Variants in MYBPC2 observed in about 807,000 individuals in gnomAD.
The protein encoded by MYBPC2 is myosin-binding protein C, fast-type.
Under a neutral mutation model 137.0 loss-of-function variants are expected in MYBPC2, and 122 were observed. That is an observed-to-expected ratio of 0.89 (90% CI 0.77 to 1.03). The LOEUF (loss-of-function observed/expected upper bound fraction) is 1.03, where lower values mean the gene tolerates loss of function less well. Among genes scored for constraint, MYBPC2 ranks in the 50% least tolerant of loss-of-function variants. The pLI, the probability that MYBPC2 is intolerant of heterozygous loss-of-function variation, is 0.00. For missense variants in MYBPC2, 1,500 were observed against 1,534.4 expected, an observed-to-expected ratio of 0.98 and a Z score of 0.37; for synonymous variants, 626 against 612.3, an observed-to-expected ratio of 1.02 and a Z score of -0.33.
At chr19:50,442,157 C>A in intron 8 of MYBPC2, 24 bp from the exon 9 acceptor site, 1 of 1,573,626 alleles carries the variant, frequency 6.4e-7, no homozygotes, top group East Asian at 2.3e-5. Context: ...CGCCTCCATC[C>A]CCTTTGCATG....
rs779140825 is a variant in MYBPC2, at chr19:50,461,863, A to G, written c.3092-37A>G. 3 of 1,584,314 alleles carry G rather than the reference A, an allele frequency of 1.9e-6. No individual in the cohort carries two copies. The African/African-American group carries it at 4.0e-5, about 21-fold the overall frequency. Reference sequence around the variant, plus strand: ...CCTGGTTGGTGTCAGGGGAGAATCTAGATCAGTCGCCTTACGGGTGCATCC... The same window carrying G: ...CCTGGTTGGTGTCAGGGGAGAATCTGGATCAGTCGCCTTACGGGTGCATCC... On this transcript the variant is annotated intron_variant, in intron 25 of 27. Coordinates refer to ENST00000357701, the MANE Select transcript of MYBPC2 (RefSeq NM_004533.4).
At chr19:50,451,840 C>G (rs748183007) in intron 15 of MYBPC2, 24 bp from the exon 16 acceptor site, 10 of 1,582,838 alleles carry the variant, frequency 6.3e-6, no homozygotes, top group Non-Finnish European at 8.6e-6. Context: ...TCCCAGGGTC[C>G]CTGTATCTCT....
chr19:50,456,096 C>G (rs949896699), intron 20 of MYBPC2, among the ~76,000 whole-genome samples: 1 of 150,558 alleles, frequency 6.6e-6, no homozygotes, highest in African/African-American at 2.5e-5. Context: ...ATCCATCCAT[C>G]CATCCATCCA....
chr19:50,461,708 C>A lies in MYBPC2; in HGVS notation c.3091+7C>A. The A allele has an allele frequency of 6.2e-7, 1 of 1,613,102 alleles. No individual in the cohort carries two copies. Among genetic ancestry groups the A allele is most frequent in the Non-Finnish European group, 8.5e-7 (1 of 1,179,730 alleles). ...GCCCGCATCCTCAAGACAGGTACAGCCATCCTGCCCCACAGCCCAGGCCCA... is the reference window on the plus strand; with the variant it reads ...GCCCGCATCCTCAAGACAGGTACAGACATCCTGCCCCACAGCCCAGGCCCA... On this transcript the variant is annotated splice_region_variant and intron_variant, in intron 25 of 27. Transcript: ENST00000357701.
rs200859594 is a variant in MYBPC2, at chr19:50,450,819, C to T, written c.1473-10C>T. 14 of 1,556,720 alleles carry T rather than the reference C, an allele frequency of 9.0e-6. No individual in the cohort carries two copies. The highest frequency in any genetic ancestry group is 3.6e-5 in the South Asian group (3 of 84,226). ...TGGTTCGAGCCCTACCCTGCTCCCCCACCCCTTAGGTTCCACAAGCTGGTG... is the reference window on the plus strand; with the variant it reads ...TGGTTCGAGCCCTACCCTGCTCCCCTACCCCTTAGGTTCCACAAGCTGGTG... On this transcript the variant is annotated splice_polypyrimidine_tract_variant and intron_variant, in intron 13 of 27. Transcript: ENST00000357701.
In MYBPC2 at chr19:50,464,540, C is replaced by T. The variant is rs1025609674; in HGVS notation, c.3415+8C>T. The T allele has an allele frequency of 1.4e-5, 22 of 1,595,794 alleles. No homozygotes were observed. The highest frequency in any genetic ancestry group is 1.7e-4 in the Middle Eastern group (1 of 5,870). ...GCAAGCTGGAGGTCCGAGGTGAGGG[C>T]GTGGCCATCCCCAACACTGGCTGAC... On this transcript the variant is annotated splice_region_variant and intron_variant, in intron 27 of 27. Transcript: ENST00000357701.
intron 13 of MYBPC2, among the ~76,000 whole-genome samples, chr19:50,450,572 T>G (rs1370163498): frequency 2.1e-4 from 32 of 152,196 alleles, no homozygotes. Flanking sequence ...CCTTTCTCGA[T>G]GCTTTACAAC....
intron 20 of MYBPC2, among the ~76,000 whole-genome samples, chr19:50,457,912 T>C (rs923058422): frequency 6.6e-6 from 1 of 151,128 alleles, no homozygotes; most frequent in African/African-American, 2.4e-5. Flanking sequence ...ACTCCTGGAC[T>C]CAAGTGATCT....
In MYBPC2 at chr19:50,435,783, A is replaced by C; in HGVS notation, c.117A>C (p.Pro39=). Reference sequence around the variant, plus strand: ...ATCCTGTCCCCTGAACAGAAGCCCCACCCGAGGACCAGTCCCCGACTGCAG... The same window carrying C: ...ATCCTGTCCCCTGAACAGAAGCCCCCCCCGAGGACCAGTCCCCGACTGCAG... ...EAPAEAPKEA[P]PEDQSPTAEE... Residue 39 remains proline, a synonymous_variant, in exon 3 of 28, where the codon CCA becomes CCC. Transcript: ENST00000357701. The surrounding 1 kb of genome is among the most constrained non-coding windows in gnomAD (Gnocchi z 4.8). 6.2e-7 allele frequency: 1 copy of C among 1,607,888 alleles called. No individual in the cohort carries two copies. Among genetic ancestry groups the C allele is most frequent in the Non-Finnish European group, 8.5e-7 (1 of 1,176,040 alleles).
At chr19:50,442,407 A>G in intron 9 of MYBPC2, 94 bp downstream of exon 9, 1 of 1,497,958 alleles carries the variant, frequency 6.7e-7, no homozygotes, top group Non-Finnish European at 9.0e-7. Flanking sequence ...CAGAAAGGGC[A>G]TATTCACCCC....
intron 15 of MYBPC2, 38 bp from the exon 16 acceptor site, chr19:50,451,826 C>T: frequency 6.4e-7 from 1 of 1,572,330 alleles, no homozygotes. Context: ...GCCCAGCCTC[C>T]CACTCCCAGG....
At chr19:50,449,851 G>A (rs927213734) in intron 13 of MYBPC2, among the ~76,000 whole-genome samples, 3 of 152,102 alleles carry the variant, frequency 2.0e-5, no homozygotes, top group African/African-American at 7.2e-5. Flanking sequence ...ATGCCGGCTG[G>A]TGGTCTCAGT....
intron 24 of MYBPC2, among the ~76,000 whole-genome samples, chr19:50,460,508 G>C (rs73054455): frequency 2.0e-5 from 3 of 152,004 alleles, no homozygotes; most frequent in African/African-American, 4.8e-5. Context: ...ACCCAATAGC[G>C]CTACCCCCTG....
At chr19:50,433,379 G>A (rs570230811) in intron 1 of MYBPC2, among the ~76,000 whole-genome samples, 15 of 150,480 alleles carry the variant, frequency 1.0e-4, no homozygotes, top group Non-Finnish European at 1.9e-4. Flanking sequence ...TGTAGACTGG[G>A]TTTTTTTGTT....
intron 12 of MYBPC2, among the ~76,000 whole-genome samples, chr19:50,446,843 C>A (rs923240044): frequency 4.0e-5 from 6 of 149,852 alleles, no homozygotes; most frequent in Non-Finnish European, 7.4e-5. Flanking sequence ...AAAAATTAGC[C>A]GAGCATGGTG....
rs1433850781 is a variant in MYBPC2, at chr19:50,452,508, G to GTATGTATCTATCTATC, written c.1749+508_1749+509insGTATCTATCTATCTAT. Among the ~76,000 whole-genome samples, 935 of 114,694 alleles carry GTATGTATCTATCTATC rather than the reference G, an allele frequency of 8.2e-3. 4 individuals are homozygous for GTATGTATCTATCTATC. Among genetic ancestry groups the GTATGTATCTATCTATC allele is most frequent in the African/African-American group, 0.01 (341 of 33,100 alleles). 75.2% of individuals were successfully genotyped at this position (114,694 alleles called of 152,430 possible). A position where few individuals can be genotyped will look rare whatever the true frequency, so the allele number is the denominator to read the frequency against. On this transcript the variant is annotated intron_variant, in intron 16 of 27. Transcript: ENST00000357701. ...TGTATGTATGTATGTATGTATGTAT[G>GTATGTATCTATCTATC]TATCTATCTATCTATCTATCTATCT...
chr19:50,455,211 C>T lies in MYBPC2; in HGVS notation c.2118C>T (p.Gly706=), dbSNP rs371911631. ...ATGAGTCCACCAAGATGATCGAGGGCATCCTCTATGAGATGCGTGTCTTCG... is the reference window on the plus strand; with the variant it reads ...ATGAGTCCACCAAGATGATCGAGGGTATCCTCTATGAGATGCGTGTCTTCG... The part of the protein sequence containing the change: ...TTYESTKMIE[G]ILYEMRVFAV... The change falls in exon 19 of 28, where the codon GGC becomes GGT. Residue 706 remains glycine (G), a synonymous_variant. Transcript: ENST00000357701. The T allele has an allele frequency of 5.0e-6, 8 of 1,613,822 alleles. No homozygotes were observed. The African/African-American group carries it at 1.1e-4, about 22-fold the overall frequency.
chr19:50,436,226 G>A lies in MYBPC2; in HGVS notation c.345+66G>A, dbSNP rs547592028. 7.9e-6 allele frequency: 12 copies of A among 1,522,600 alleles called. No individual in the cohort carries two copies. The African/African-American group carries it at 1.7e-4, about 21-fold the overall frequency. The allele number at this position is 1,522,600 out of a possible 1,614,324, so 94.3% of individuals were successfully genotyped here. ...GAGCTTGTGCAGGACATGCTCCTCA[G>A]AAGCCCTGTTGCCTGAGGCATCAAT... On this transcript the variant is annotated intron_variant, in intron 4 of 27. Coordinates refer to ENST00000357701, the MANE Select transcript of MYBPC2 (RefSeq NM_004533.4).
chr19:50,435,057 G>A lies in MYBPC2; in HGVS notation c.20-104G>A. 1 of 687,082 alleles carries A rather than the reference G, an allele frequency of 1.5e-6. No individual in the cohort carries two copies. Among genetic ancestry groups the A allele is most frequent in the Non-Finnish European group, 2.7e-6 (1 of 372,676 alleles). 42.6% of individuals were successfully genotyped at this position (687,082 alleles called of 1,614,324 possible). ...GGAGGGGCTGGGGGCCTGGACTCCT[G>A]GGTCTGAGGGAGGAGGGGCTGGGGG... On this transcript the variant is annotated intron_variant, in intron 1 of 27. Transcript: ENST00000357701. The surrounding 1 kb of genome is among the most constrained non-coding windows in gnomAD (Gnocchi z 4.8).
Sources: allele counts gnomAD v4.1 joint callset (sites outside exome capture counted in the v4.1 genomes callset), GRCh38; gene constraint gnomAD v4.1.1; non-coding constraint Gnocchi (gnomAD v3.1); transcripts MANE v1.5; gene names NCBI Gene and HGNC (gene_info 2026-07-23, HGNC 2026-07-21).